The following SV2B variants were observed in gnomAD, a reference collection of about 807,000 sequenced individuals.
SV2B encodes synaptic vesicle glycoprotein 2B.
A neutral mutation model predicts 73.9 loss-of-function variants in SV2B; 41 were observed. That is an observed-to-expected ratio of 0.56 (90% CI 0.43 to 0.72). The LOEUF (loss-of-function observed/expected upper bound fraction) is 0.72, where lower values mean the gene tolerates loss of function less well. Ranked by LOEUF, SV2B falls within the 30% of genes least tolerant of loss-of-function variation. The probability of loss-of-function intolerance (pLI) is 0.00; values close to 1 mark genes in which losing one functional copy is unlikely to be tolerated. For missense variants in SV2B, 764 were observed against 857.8 expected (o/e 0.89, Z 1.37); for synonymous variants, 314 against 314.2 (o/e 1.00, Z 0.01).
chr15:91,202,288 T>C (rs2045487772), intron 1 of SV2B, among the ~76,000 whole-genome samples: 1 of 152,224 alleles, frequency 6.6e-6, no homozygotes, highest in Admixed American at 6.5e-5. Flanking sequence ...GACTTTGTGT[T>C]CTTTGTCCAC....
rs2046973018 is a variant in SV2B, at chr15:91,240,649, G to T, written c.452-11170G>T. Among the ~76,000 whole-genome samples the T allele has an allele frequency of 6.6e-6, 1 of 151,546 alleles. No homozygotes were observed. The highest frequency in any genetic ancestry group is 2.1e-4 in the South Asian group (1 of 4,766). On this transcript the variant is annotated intron_variant, in intron 2 of 12. Transcript: ENST00000394232. This position sits in a 1 kb window ranked among gnomAD's most constrained non-coding sequence, Gnocchi z 4.6. ...AGCTTCCCAGCATTTTTTCTCCCCA[G>T]TACTACCAGCCTTGCCACCAAGATC...
rs1117387 is a variant in SV2B at position 91,281,893 on chromosome 15, A to T, written c.1507+32A>T. ...AAGAACATTGACAGATTGAATAGAA[A>T]GTAACAGGAGACAACTTGTGTTGTC... On this transcript the variant is annotated intron_variant, in intron 10 of 12. Coordinates refer to ENST00000394232, the MANE Select transcript of SV2B (RefSeq NM_001323032.3). The surrounding 1 kb of genome is among the most constrained non-coding windows in gnomAD (Gnocchi z 4.7). The T allele has an allele frequency of 0.21, 326,342 of 1,573,506 alleles. 40,306 individuals are homozygous for T. Among genetic ancestry groups the T allele is most frequent in the African/African-American group, 0.58 (42,385 of 73,492 alleles).
chr15:91,259,163 G>A (rs981941685), intron 5 of SV2B, among the ~76,000 whole-genome samples: 5 of 152,036 alleles, frequency 3.3e-5, no homozygotes, highest in Non-Finnish European at 5.9e-5. Context: ...CTGGTTTTCC[G>A]TGTTTGGCAC....
In SV2B at chr15:91,101,626, G is replaced by T. The variant is rs116466683; in HGVS notation, c.-392+1263G>T. On this transcript the variant is annotated intron_variant, in intron 1 of 12. Transcript: ENST00000394232. ...AGGAAATTGATAGTGGCAGTGATTA[G>T]TATAAAAATGAAGCCCTCATGGATT... is the stretch of plus-strand genomic sequence containing the variant. Among the ~76,000 whole-genome samples the T allele has an allele frequency of 7.5e-3, 1,143 of 152,232 alleles. 14 individuals are homozygous for T. Among genetic ancestry groups the T allele is most frequent in the African/African-American group, 0.022 (913 of 41,526 alleles).
At chr15:91,144,598 G>A (rs931752406) in intron 1 of SV2B, among the ~76,000 whole-genome samples, 1 of 152,166 alleles carries the variant, frequency 6.6e-6, no homozygotes. Context: ...CTTAAAGAGA[G>A]CACATGTTCA....
Position 91,240,450 on chromosome 15 carries a change from G to A in SV2B, c.452-11369G>A, listed in dbSNP as rs1306881186. Among the ~76,000 whole-genome samples the A allele has an allele frequency of 1.3e-5, 2 of 151,860 alleles. No individual in the cohort carries two copies. The highest frequency in any genetic ancestry group is 2.9e-5 in the Non-Finnish European group (2 of 67,980). On this transcript the variant is annotated intron_variant, in intron 2 of 12. Transcript: ENST00000394232. The surrounding 1 kb of genome is among the most constrained non-coding windows in gnomAD (Gnocchi z 4.6). ...TCCTTAAAAGAGTCAACTTACTCAC[G>A]GGCTTGTTTACTGATGAACAAGAGG...
chr15:91,167,931 A>G (rs1227070018), intron 1 of SV2B, among the ~76,000 whole-genome samples: 1 of 152,178 alleles, frequency 6.6e-6, no homozygotes, highest in Admixed American at 6.5e-5. Flanking sequence ...TACCTCCTGT[A>G]GGCTCTGGAT....
intron 9 of SV2B, among the ~76,000 whole-genome samples, chr15:91,273,820 C>G (rs1296042446): frequency 1.3e-5 from 2 of 152,202 alleles, no homozygotes; most frequent in Non-Finnish European, 1.5e-5. Context: ...CGCCGGAGGT[C>G]ATGATCACCA....
At chr15:91,192,830 G>T (rs888218490) in intron 1 of SV2B, among the ~76,000 whole-genome samples, 1 of 152,196 alleles carries the variant, frequency 6.6e-6, no homozygotes, top group South Asian at 2.1e-4. Context: ...ACTGACACGT[G>T]ACTCATAGCT....
rs2047025534 is a variant in SV2B, at chr15:91,241,774, C to T, written c.452-10045C>T. Among the ~76,000 whole-genome samples, 1 of 152,124 alleles carries T rather than the reference C, an allele frequency of 6.6e-6. No homozygotes were observed. Among genetic ancestry groups the T allele is most frequent in the Admixed American group, 6.6e-5 (1 of 15,266 alleles). ...GAACATCACTTTTGTAATCCTTTTT[C>T]TCATCATTTTGTAACTCCTCCTCAT... On this transcript the variant is annotated intron_variant, in intron 2 of 12. Coordinates refer to ENST00000394232, the MANE Select transcript of SV2B (RefSeq NM_001323032.3). The surrounding 1 kb of genome is among the most constrained non-coding windows in gnomAD (Gnocchi z 4.8).
chr15:91,216,500 T>A (rs983333221), intron 1 of SV2B, among the ~76,000 whole-genome samples: 3 of 151,992 alleles, frequency 2.0e-5, no homozygotes, highest in Non-Finnish European at 4.4e-5. Context: ...TGAGATGGAG[T>A]CTTGCTGTGT....
In SV2B at chr15:91,139,953, A is replaced by G. The variant is rs975451095; in HGVS notation, c.-392+39590A>G. ...GACAGCCTGCGTCTCAGCCCAGATC[A>G]TTTGGAAATTGGGCTCATGCTCTGG... On this transcript the variant is annotated intron_variant, in intron 1 of 12. Coordinates refer to ENST00000394232, the MANE Select transcript of SV2B (RefSeq NM_001323032.3). This position sits in a 1 kb window ranked among gnomAD's most constrained non-coding sequence, Gnocchi z 5.2. Among the ~76,000 whole-genome samples the G allele has an allele frequency of 2.0e-5, 3 of 152,214 alleles. No homozygotes were observed. Among genetic ancestry groups the G allele is most frequent in the Non-Finnish European group, 2.9e-5 (2 of 68,040 alleles).
intron 2 of SV2B, among the ~76,000 whole-genome samples, chr15:91,248,364 TTAATCAAACATTTG>T (rs891293307): frequency 6.6e-6 from 1 of 152,174 alleles, no homozygotes; most frequent in African/African-American, 2.4e-5. Flanking sequence ...CTTAAGTAGT[TTAATCAAACATTTG>T]TGTCTGAGTT....
Position 91,212,876 on chromosome 15 carries a change from C to T in SV2B, c.-391-12997C>T, listed in dbSNP as rs186175889. Among the ~76,000 whole-genome samples the T allele has an allele frequency of 9.2e-4, 139 of 151,706 alleles. 2 individuals carry two copies. The highest frequency in any genetic ancestry group is 3.2e-3 in the African/African-American group (134 of 41,344). On this transcript the variant is annotated intron_variant, in intron 1 of 12. Transcript: ENST00000394232. Reference sequence around the variant, plus strand: ...AAAAGAGAAGCTGAGCACGGTGGCTCATGTCTGTAATCCCAGCACTAAGGT... The same window carrying T: ...AAAAGAGAAGCTGAGCACGGTGGCTTATGTCTGTAATCCCAGCACTAAGGT...
At chr15:91,159,922 T>A (rs1188188680) in intron 1 of SV2B, among the ~76,000 whole-genome samples, 1 of 152,130 alleles carries the variant, frequency 6.6e-6, no homozygotes, top group Non-Finnish European at 1.5e-5. Context: ...AAAAATAATT[T>A]TCCCTTTTCC....
Position 91,283,992 on chromosome 15 carries a change from A to G in SV2B, c.1508-29A>G. 1 of 1,612,438 alleles carries G rather than the reference A, an allele frequency of 6.2e-7. No homozygotes were observed. Among genetic ancestry groups the G allele is most frequent in the East Asian group, 2.2e-5 (1 of 44,880 alleles). On this transcript the variant is annotated intron_variant, in intron 10 of 12. Transcript: ENST00000394232. The surrounding 1 kb of genome is among the most constrained non-coding windows in gnomAD (Gnocchi z 4.3). ...CTCTCTCCAGCTCCCTTCCACTTAC[A>G]TGAACCGAAGGTTTCCTTCTCTCCC... is the stretch of plus-strand genomic sequence containing the variant.
chr15:91,277,727 T>C (rs2048539917), intron 9 of SV2B, among the ~76,000 whole-genome samples: 1 of 152,252 alleles, frequency 6.6e-6, no homozygotes, highest in Admixed American at 6.5e-5. Context: ...TTTGAATTGT[T>C]TCCAGATTTT....
chr15:91,197,356 GTA>G lies in SV2B; in HGVS notation c.-391-28516_-391-28515del, dbSNP rs1419719377. Among the ~76,000 whole-genome samples, 1 of 151,988 alleles carries G rather than the reference GTA, an allele frequency of 6.6e-6. No individual in the cohort carries two copies. The highest frequency in any genetic ancestry group is 1.5e-5 in the Non-Finnish European group (1 of 67,996). ...CAATCCTCCTGCCTCAGCCTCCCGA[GTA>G]GCTGGGATTACAGGGGTCCGCCACC... On this transcript the variant is annotated intron_variant, in intron 1 of 12. Coordinates refer to ENST00000394232, the MANE Select transcript of SV2B (RefSeq NM_001323032.3). The surrounding 1 kb of genome is among the most constrained non-coding windows in gnomAD (Gnocchi z 4.9).
In SV2B at chr15:91,123,324, C is replaced by T. The variant is rs2042389457; in HGVS notation, c.-392+22961C>T. Among the ~76,000 whole-genome samples the T allele has an allele frequency of 6.6e-6, 1 of 152,182 alleles. No individual in the cohort carries two copies. On this transcript the variant is annotated intron_variant, in intron 1 of 12. Coordinates refer to ENST00000394232, the MANE Select transcript of SV2B (RefSeq NM_001323032.3). The surrounding 1 kb of genome is among the most constrained non-coding windows in gnomAD (Gnocchi z 4.7). The stretch of plus-strand genomic sequence containing the variant: ...GTAGATTTTGTGTTCTTATCATACA[C>T]ACATACACACACAAAAAGATAAGTC...
Sources: gnomAD v4.1 joint callset for allele counts (sites outside exome capture counted in the v4.1 genomes callset) on GRCh38, gnomAD v4.1.1 for gene constraint, Gnocchi (gnomAD v3.1) non-coding constraint, MANE v1.5 for transcripts, NCBI Gene and HGNC (gene_info 2026-07-23, HGNC 2026-07-21) for gene names.